PRKG1: variants seen among roughly 807,000 people sequenced by gnomAD.
PRKG1 encodes cGMP-dependent protein kinase 1.
Under a neutral mutation model 88.1 loss-of-function variants are expected in PRKG1, and 35 were observed. The observed-to-expected ratio is 0.40, with a 90% CI of 0.30 to 0.53. PRKG1 has a LOEUF of 0.53. Among genes scored for constraint, PRKG1 ranks in the 20% least tolerant of loss-of-function variants. The pLI, the probability that PRKG1 is intolerant of heterozygous loss-of-function variation, is 0.59. For missense variants in PRKG1, 540 were observed against 839.8 expected (o/e 0.64, Z 4.41); for synonymous variants, 303 against 292.5 (o/e 1.04, Z -0.37).
intron 1 of PRKG1, among the ~76,000 whole-genome samples, chr10:51,069,202 C>T (rs914045248): frequency 6.6e-6 from 1 of 151,992 alleles, no homozygotes; most frequent in Non-Finnish European, 1.5e-5. Flanking sequence ...TACGCTGTTA[C>T]TTTCCAAGTC....
At chr10:51,873,458 C>T (rs2132862212) in intron 4 of PRKG1, among the ~76,000 whole-genome samples, 1 of 151,746 alleles carries the variant, frequency 6.6e-6, no homozygotes, top group East Asian at 1.9e-4. Flanking sequence ...ATTTATCCAC[C>T]TGTCTATCTA....
intron 3 of PRKG1, among the ~76,000 whole-genome samples, chr10:51,509,637 A>G (rs935720906): frequency 3.0e-4 from 45 of 152,148 alleles, no homozygotes; most frequent in African/African-American, 1.1e-3. Context: ...CAGCCTCCCA[A>G]AAGGCTGGAT....
In PRKG1 at chr10:51,818,824, A is replaced by G. The variant is rs1420517558; in HGVS notation, c.698+14134A>G. Among the ~76,000 whole-genome samples the G allele has an allele frequency of 1.9e-5, 2 of 106,482 alleles. 1 individual carries two copies. The highest frequency in any genetic ancestry group is 1.3e-4 in the African/African-American group (2 of 15,400). The allele number at this position is 106,482 out of a possible 152,430, so 69.9% of individuals were successfully genotyped here. A position where few individuals can be genotyped will look rare whatever the true frequency, so the allele number is the denominator to read the frequency against. Reference sequence around the variant, plus strand: ...AGATCGAGACCATCCTGGCTAAAACAGTGAAACCCCGTCTCTACTAAAAAT... The same window carrying G: ...AGATCGAGACCATCCTGGCTAAAACGGTGAAACCCCGTCTCTACTAAAAAT... On this transcript the variant is annotated intron_variant, in intron 4 of 17. Coordinates refer to ENST00000373980, the MANE Select transcript of PRKG1 (RefSeq NM_006258.4).
At chr10:51,998,085 A>T (rs1447314075) in intron 5 of PRKG1, among the ~76,000 whole-genome samples, 1 of 152,206 alleles carries the variant, frequency 6.6e-6, no homozygotes, top group Non-Finnish European at 1.5e-5. Flanking sequence ...CTCATTTGCC[A>T]ACAGTGTATA....
chr10:51,627,971 TC>T (rs1227761990), intron 3 of PRKG1, among the ~76,000 whole-genome samples: 3 of 1,978 alleles, frequency 1.5e-3, no homozygotes, highest in Non-Finnish European at 4.5e-3. Flanking sequence ...TCTTTCTTTC[TC>T]TTTCTTTCTT....
chr10:51,150,364 TTA>T (rs1362094567), intron 1 of PRKG1, among the ~76,000 whole-genome samples: 4 of 152,122 alleles, frequency 2.6e-5, no homozygotes, highest in African/African-American at 7.2e-5. Flanking sequence ...CCCTGATTAA[TTA>T]TAGTCTATAA....
chr10:51,779,039 GA>G (rs1838516358), intron 3 of PRKG1, among the ~76,000 whole-genome samples: 1 of 152,144 alleles, frequency 6.6e-6, no homozygotes, highest in Non-Finnish European at 1.5e-5. Context: ...AGAAGGAACA[GA>G]ACTTTAAGAA....
intron 4 of PRKG1, among the ~76,000 whole-genome samples, chr10:51,817,016 A>G (rs1040907360): frequency 6.6e-6 from 1 of 152,208 alleles, no homozygotes; most frequent in Non-Finnish European, 1.5e-5. Flanking sequence ...CCAAGAAAGC[A>G]AGAAAAGAAA....
intron 2 of PRKG1, among the ~76,000 whole-genome samples, chr10:51,165,148 G>C (rs1475787691): frequency 6.6e-6 from 1 of 152,188 alleles, no homozygotes; most frequent in Non-Finnish European, 1.5e-5. Flanking sequence ...CAGCCAGAGA[G>C]AAAGGTCGGG....
chr10:51,212,980 A>ATTT (rs1205614412), intron 2 of PRKG1, among the ~76,000 whole-genome samples: 1 of 152,222 alleles, frequency 6.6e-6, no homozygotes, highest in Non-Finnish European at 1.5e-5. Flanking sequence ...TACCCAAAGG[A>ATTT]TTATAAATCA....
chr10:51,497,349 T>C (rs548818463), intron 3 of PRKG1, among the ~76,000 whole-genome samples: 4 of 152,264 alleles, frequency 2.6e-5, no homozygotes, highest in South Asian at 2.1e-4. Flanking sequence ...TAAACACTAA[T>C]TGAGCACCTA....
chr10:51,301,913 A>G (rs1229157890), intron 2 of PRKG1, among the ~76,000 whole-genome samples: 1 of 152,146 alleles, frequency 6.6e-6, no homozygotes, highest in Non-Finnish European at 1.5e-5. Flanking sequence ...TGAGTGTGTG[A>G]CTGCCTTCTC....
chr10:51,542,282 G>A (rs1270348068), intron 3 of PRKG1, among the ~76,000 whole-genome samples: 1 of 152,110 alleles, frequency 6.6e-6, no homozygotes, highest in Non-Finnish European at 1.5e-5. Flanking sequence ...AAACATAACA[G>A]CAACTAACAT....
chr10:52,009,156 T>G (rs1844816432), intron 5 of PRKG1, among the ~76,000 whole-genome samples: 1 of 152,170 alleles, frequency 6.6e-6, no homozygotes, highest in African/African-American at 2.4e-5. Flanking sequence ...AATATAGTAT[T>G]GGAAGTCCTG....
rs1375095364 is a variant in PRKG1 at position 52,117,647 on chromosome 10, A to G, written c.936-16193A>G. ...TGTATATCTTTTATTAAAAAATAGA[A>G]TATTTATTTTATACATGTAATTCGA... On this transcript the variant is annotated intron_variant, in intron 7 of 17. Transcript: ENST00000373980. Among the ~76,000 whole-genome samples, 9 of 152,118 alleles carry G rather than the reference A, an allele frequency of 5.9e-5. No homozygotes were observed. The East Asian group carries it at 1.7e-3, about 29-fold the overall frequency.
chr10:51,016,677 T>TTTTTTTTTTTTTTTTTTTTTTTTTTC (rs1843069342), intron 1 of PRKG1, among the ~76,000 whole-genome samples: 1 of 94,676 alleles, frequency 1.1e-5, no homozygotes, highest in Non-Finnish European at 2.1e-5. Flanking sequence ...TCCTTTCTTT[T>TTTTTTTTTTTTTTTTTTTTTTTTTTC]TTTTTTTTTT....
intron 4 of PRKG1, among the ~76,000 whole-genome samples, chr10:51,851,814 G>C (rs1266868565): frequency 6.6e-6 from 1 of 152,156 alleles, no homozygotes; most frequent in Non-Finnish European, 1.5e-5. Context: ...TTGCTACACA[G>C]ATACCAAGGT....
At chr10:51,697,539 G>A in intron 3 of PRKG1, 3 of 740,998 alleles carry the variant, frequency 4.0e-6, no homozygotes, top group African/African-American at 1.8e-5. Context: ...AAAAAAAAAA[G>A]GAAAACAGAA....
Position 52,251,528 on chromosome 10 carries a change from C to A in PRKG1, c.1077-42C>A, listed in dbSNP as rs566972001. The A allele has an allele frequency of 4.1e-5, 61 of 1,488,574 alleles. 1 individual carries two copies. The South Asian group carries it at 6.3e-4, about 15-fold the overall frequency. 92.2% of individuals were successfully genotyped at this position (1,488,574 alleles called of 1,614,324 possible). ...CAGATGTACGTGGTACTCGTGTTTG[C>A]ACCTCTAAGAAATTTCCATTTTTTC... On this transcript the variant is annotated intron_variant, in intron 9 of 17. Coordinates refer to ENST00000373980, the MANE Select transcript of PRKG1 (RefSeq NM_006258.4).
Sources: gnomAD v4.1 joint callset for allele counts (sites outside exome capture counted in the v4.1 genomes callset) on GRCh38, gnomAD v4.1.1 for gene constraint, MANE v1.5 for transcripts, NCBI Gene and HGNC (gene_info 2026-07-23, HGNC 2026-07-21) for gene names.